Variants in SH3BP5 observed in about 807,000 individuals in gnomAD.
The protein encoded by SH3BP5 is SH3 domain binding protein 5.
SH3BP5 carries 22 observed loss-of-function variants against 43.3 expected under a neutral mutation model. The ratio of observed to expected loss-of-function variants is 0.51; its 90% CI spans 0.36 to 0.73. SH3BP5 has a LOEUF of 0.73. SH3BP5 is among the 30% of genes least tolerant of loss of function. The probability of loss-of-function intolerance (pLI) is 0.00; values close to 1 mark genes in which losing one functional copy is unlikely to be tolerated. For missense variants in SH3BP5, 529 were observed against 586.9 expected, an observed-to-expected ratio of 0.90 and a Z score of 1.02; for synonymous variants, 255 against 225.8, an observed-to-expected ratio of 1.13 and a Z score of -1.16.
intron 1 of SH3BP5, among the ~76,000 whole-genome samples, chr3:15,337,693 G>A (rs1002558252): frequency 6.6e-6 from 1 of 151,772 alleles, no homozygotes; most frequent in Non-Finnish European, 1.5e-5. Context: ...ATCGCTTGAG[G>A]CCAGGAGTTC....
chr3:15,275,986 C>T (rs1696951973), intron 3 of SH3BP5: 1 of 136,804 alleles, frequency 7.3e-6, no homozygotes, highest in Non-Finnish European at 1.5e-5. Flanking sequence ...TGCCACTGCA[C>T]TCCAGCCTGG....
chr3:15,290,416 C>T (rs1188539824), intron 3 of SH3BP5, among the ~76,000 whole-genome samples: 1 of 150,660 alleles, frequency 6.6e-6, no homozygotes, highest in Non-Finnish European at 1.5e-5. Context: ...ATCCCAGCTA[C>T]TTGGGAGGCT....
intron 2 of SH3BP5, among the ~76,000 whole-genome samples, chr3:15,308,581 C>T (rs981062788): frequency 3.3e-5 from 5 of 152,138 alleles, no homozygotes; most frequent in Admixed American, 6.5e-5. Context: ...CCAGCACGGA[C>T]GGACGGGCTG....
upstream of SH3BP5, chr3:15,333,058 T>C: frequency 3.1e-6 from 3 of 983,258 alleles, no homozygotes; most frequent in Non-Finnish European, 3.6e-6. Flanking sequence ...GCGAGCCCCA[T>C]ACCGAAACAC....
At position 15,256,076 on chromosome 3, in the gene SH3BP5, C is replaced by G; in HGVS notation, c.*10G>C. On this transcript the variant is annotated 3_prime_UTR_variant, in exon 9 of 9. Transcript: ENST00000383791. ...TGTTGATATGCACATCGGCCAGGGC[C>G]CAGGATGAATCAGCCAATCTGCACC... 3 of 1,605,670 alleles carry G rather than the reference C, an allele frequency of 1.9e-6. No individual in the cohort carries two copies. The highest frequency in any genetic ancestry group is 2.6e-6 in the Non-Finnish European group (3 of 1,172,748).
chr3:15,296,415 C>T (rs1324389167), intron 3 of SH3BP5, among the ~76,000 whole-genome samples: 3 of 151,880 alleles, frequency 2.0e-5, no homozygotes, highest in Non-Finnish European at 2.9e-5. Context: ...CTCAAAACAG[C>T]CCATCCCACA....
intron 3 of SH3BP5, among the ~76,000 whole-genome samples, chr3:15,277,044 G>C (rs923706234): frequency 3.3e-5 from 5 of 151,976 alleles, no homozygotes; most frequent in Non-Finnish European, 7.4e-5. Flanking sequence ...TCCACCTCCT[G>C]GGTTCAAATG....
chr3:15,304,386 G>C (rs556291938), intron 2 of SH3BP5, 155 bp from the exon 3 acceptor site: 1 of 1,132,766 alleles, frequency 8.8e-7, no homozygotes, highest in Non-Finnish European at 1.3e-6. Context: ...GAGCAGCACC[G>C]CCCAAAACAG....
chr3:15,324,497 C>T (rs1304356160), intron 2 of SH3BP5, among the ~76,000 whole-genome samples: 2 of 152,220 alleles, frequency 1.3e-5, no homozygotes, highest in African/African-American at 4.8e-5. Flanking sequence ...ACAAGAAGGT[C>T]AGGGGTGTAG....
Position 15,282,157 on chromosome 3 carries a change from G to A in SH3BP5, c.331-12280C>T, listed in dbSNP as rs552354118. Among the ~76,000 whole-genome samples, 71 of 152,270 alleles carry A rather than the reference G, an allele frequency of 4.7e-4. No individual in the cohort carries two copies. The South Asian group carries it at 0.015, about 32-fold the overall frequency. On this transcript the variant is annotated intron_variant, in intron 3 of 8. Coordinates refer to ENST00000383791, the MANE Select transcript of SH3BP5 (RefSeq NM_004844.5). ...TAGCACCAACAATAACCATTGTCTTGGGTCTACAACCTTGAACAAGTCACT... is the reference window on the plus strand; with the variant it reads ...TAGCACCAACAATAACCATTGTCTTAGGTCTACAACCTTGAACAAGTCACT...
chr3:15,279,594 G>T (rs796463116), intron 3 of SH3BP5, among the ~76,000 whole-genome samples: 12 of 152,198 alleles, frequency 7.9e-5, no homozygotes, highest in African/African-American at 2.6e-4. Flanking sequence ...TGGGGGTGGG[G>T]GTAAAGATGA....
chr3:15,322,966 C>T (rs973117376), intron 2 of SH3BP5, among the ~76,000 whole-genome samples: 4 of 151,772 alleles, frequency 2.6e-5, no homozygotes, highest in East Asian at 1.9e-4. Context: ...TGGCAAAACC[C>T]GGTCTCTACC....
At chr3:15,259,918 T>G (rs1696369557) in intron 5 of SH3BP5, 115 bp from the exon 6 acceptor site, 2 of 913,350 alleles carry the variant, frequency 2.2e-6, no homozygotes, top group Admixed American at 1.8e-5. Context: ...CTTCCAATAT[T>G]TAGTAAACTC....
chr3:15,300,146 T>TC (rs1697695356), intron 3 of SH3BP5, among the ~76,000 whole-genome samples: 1 of 152,160 alleles, frequency 6.6e-6, no homozygotes, highest in African/African-American at 2.4e-5. Flanking sequence ...TTCTTTTTTT[T>TC]GAAAAAAATA....
intron 2 of SH3BP5, among the ~76,000 whole-genome samples, chr3:15,306,065 G>T (rs9838170): frequency 2.5e-5 from 1 of 40,424 alleles, no homozygotes; most frequent in Non-Finnish European, 4.4e-5. Flanking sequence ...AAAAAAAAAA[G>T]AGAAATGGCA....
At chr3:15,316,474 C>T (rs1010905052) in intron 2 of SH3BP5, among the ~76,000 whole-genome samples, 3 of 152,132 alleles carry the variant, frequency 2.0e-5, no homozygotes, top group Non-Finnish European at 2.9e-5. Context: ...CCGCTGGCCT[C>T]GGCCTCCCAA....
chr3:15,336,931 C>A (rs925334988), upstream of SH3BP5, among the ~76,000 whole-genome samples: 2 of 152,134 alleles, frequency 1.3e-5, no homozygotes, highest in Non-Finnish European at 2.9e-5. Flanking sequence ...ACGCTTCTCC[C>A]CGACCACTGT....
At chr3:15,261,608 G>A (rs1260129006) in intron 5 of SH3BP5, among the ~76,000 whole-genome samples, 1 of 152,102 alleles carries the variant, frequency 6.6e-6, no homozygotes, top group African/African-American at 2.4e-5. Context: ...GAAGCAGGGG[G>A]CTTGTCCCCA....
At chr3:15,293,315 C>A (rs1697465982) in intron 3 of SH3BP5, among the ~76,000 whole-genome samples, 1 of 152,362 alleles carries the variant, frequency 6.6e-6, no homozygotes, top group Admixed American at 6.5e-5. Context: ...CGTCACTGAG[C>A]CAGACCTCCT....
Sources: allele counts gnomAD v4.1 joint callset (sites outside exome capture counted in the v4.1 genomes callset), GRCh38; gene constraint gnomAD v4.1.1; transcripts MANE v1.5; gene names NCBI Gene and HGNC (gene_info 2026-07-23, HGNC 2026-07-21).